SEMA6D: variants seen among roughly 807,000 people sequenced by gnomAD.
The protein encoded by SEMA6D is semaphorin-6D.
A neutral mutation model predicts 106.6 loss-of-function variants in SEMA6D; 35 were observed. That is an observed-to-expected ratio of 0.33 (90% confidence interval 0.25 to 0.44). The LOEUF is 0.44. Among genes scored for constraint, SEMA6D ranks in the 20% least tolerant of loss-of-function variants. The probability of loss-of-function intolerance (pLI) is 1.00; values close to 1 mark genes in which losing one functional copy is unlikely to be tolerated. For missense variants in SEMA6D, 1,185 were observed against 1,345.9 expected (o/e 0.88, Z 1.87); for synonymous variants, 499 against 487.7 (o/e 1.02, Z -0.31).
intron 4 of SEMA6D, among the ~76,000 whole-genome samples, chr15:47,701,179 AT>A (rs1233439085): frequency 6.6e-6 from 1 of 152,238 alleles, no homozygotes; most frequent in Non-Finnish European, 1.5e-5. Flanking sequence ...GGGAAAATAT[AT>A]TCCCAAATGA....
chr15:47,765,859 C>T lies in SEMA6D; in HGVS notation c.1428-10C>T. The T allele has an allele frequency of 1.3e-6, 2 of 1,487,604 alleles. No homozygotes were observed. The highest frequency in any genetic ancestry group is 1.8e-6 in the Non-Finnish European group (2 of 1,118,040). 92.2% of individuals were successfully genotyped at this position (1,487,604 alleles called of 1,614,324 possible). On this transcript the variant is annotated splice_polypyrimidine_tract_variant and intron_variant, in intron 13 of 18. Coordinates refer to ENST00000536845, the MANE Select transcript of SEMA6D (RefSeq NM_001358351.3). ...AAACATATGGCTTCAAAATGTATCC[C>T]ACAAAATAGGTGCAGTGCTGAGAAT...
intron 3 of SEMA6D, among the ~76,000 whole-genome samples, chr15:47,569,493 T>C (rs1348114433): frequency 6.6e-6 from 1 of 152,126 alleles, no homozygotes; most frequent in African/African-American, 2.4e-5. Context: ...CACAGGACAC[T>C]TTCAGCAGTG....
chr15:47,731,252 C>T (rs952389122), intron 1 of SEMA6D, among the ~76,000 whole-genome samples: 54 of 152,016 alleles, frequency 3.6e-4, no homozygotes, highest in African/African-American at 1.3e-3. Context: ...TCTCAGGGGT[C>T]GATGCCTTAC....
intron 3 of SEMA6D, among the ~76,000 whole-genome samples, chr15:47,590,143 A>G (rs917168674): frequency 3.3e-5 from 5 of 152,166 alleles, no homozygotes; most frequent in African/African-American, 1.2e-4. Flanking sequence ...ATGTCCATCA[A>G]TGATAGACTG....
Position 47,368,180 on chromosome 15 carries a change from C to T in SEMA6D, c.-238-44213C>T, listed in dbSNP as rs538525057. On this transcript the variant is annotated intron_variant, in intron 1 of 19. Transcript: ENST00000558014. ...ACATGAAATACCAGCAGCGCTGTGC[C>T]AGGCTCCCCAGCTTTGGCAAGCCCC... Among the ~76,000 whole-genome samples the T allele has an allele frequency of 3.3e-5, 5 of 152,348 alleles. No individual in the cohort carries two copies. The East Asian group carries it at 9.7e-4, about 29-fold the overall frequency.
intron 4 of SEMA6D, among the ~76,000 whole-genome samples, chr15:47,668,126 CTT>C (rs1414040829): frequency 6.6e-6 from 1 of 152,166 alleles, no homozygotes; most frequent in Non-Finnish European, 1.5e-5. Context: ...TGGTGTGTCT[CTT>C]TATCTCTAAG....
Position 47,765,005 on chromosome 15 carries a change from C to T in SEMA6D, c.1376C>T (p.Ser459Phe), listed in dbSNP as rs1368104947. 6.2e-7 allele frequency: 1 copy of T among 1,613,878 alleles called. No homozygotes were observed. Among genetic ancestry groups the T allele is most frequent in the African/African-American group, 1.3e-5 (1 of 75,022 alleles). Residue 459 changes from serine (S) to phenylalanine (F), a missense_variant, in exon 13 of 19, where the codon TCT becomes TTT. Transcript: ENST00000536845. The stretch of plus-strand genomic sequence containing the variant: ...GTTCTGGCAAAGACCAGTCCTTTCT[C>T]TTTGAACGACAGCGTATTACTGGAA... Reference protein sequence around the residue: ...LKVLAKTSPFSLNDSVLLEEI... With the variant: ...LKVLAKTSPFFLNDSVLLEEI...
chr15:47,633,997 C>T (rs561240872), intron 4 of SEMA6D, among the ~76,000 whole-genome samples: 29 of 152,146 alleles, frequency 1.9e-4, no homozygotes, highest in Admixed American at 1.8e-3. Context: ...AATTTCTATT[C>T]CTTTGCTGAG....
At chr15:47,467,288 G>A (rs1406012874) in intron 2 of SEMA6D, among the ~76,000 whole-genome samples, 1 of 152,108 alleles carries the variant, frequency 6.6e-6, no homozygotes, top group African/African-American at 2.4e-5. Context: ...TGTAATTTAT[G>A]TTTCATAGAC....
chr15:47,751,003 C>T (rs547889679), intron 1 of SEMA6D, among the ~76,000 whole-genome samples: 53 of 152,266 alleles, frequency 3.5e-4, no homozygotes, highest in African/African-American at 1.3e-3. Flanking sequence ...TTCAGAAGGG[C>T]CCAGAGTAGC....
Position 47,522,133 on chromosome 15 carries a change from T to C in SEMA6D, c.-87+51588T>C, listed in dbSNP as rs72733852. 4.3e-3 allele frequency among the ~76,000 whole-genome samples: 649 copies of C among 152,340 alleles called. 3 individuals are homozygous for C. Among genetic ancestry groups the C allele is most frequent in the Admixed American group, 7.1e-3 (109 of 15,306 alleles). ...AGCTCTGTGGGCATCAGATCAACTATACACATGTCCTGCGGAGCTGACACA... is the reference window on the plus strand; with the variant it reads ...AGCTCTGTGGGCATCAGATCAACTACACACATGTCCTGCGGAGCTGACACA... On this transcript the variant is annotated intron_variant, in intron 3 of 19. Coordinates refer to the SEMA6D transcript ENST00000558014.
At chr15:47,474,461 G>A (rs1340823096) in intron 3 of SEMA6D, among the ~76,000 whole-genome samples, 1 of 152,086 alleles carries the variant, frequency 6.6e-6, no homozygotes, top group Non-Finnish European at 1.5e-5. Flanking sequence ...ATTGCACAAA[G>A]GGTATGTGGC....
At chr15:47,300,144 G>C (rs80343539) in intron 1 of SEMA6D, among the ~76,000 whole-genome samples, 4,115 of 152,252 alleles carry the variant, frequency 0.027, 136 homozygotes, top group African/African-American at 0.076. Flanking sequence ...TGTCCTGCCT[G>C]GTGGGTGCCC....
intron 3 of SEMA6D, among the ~76,000 whole-genome samples, chr15:47,538,235 T>C (rs1409221335): frequency 1.3e-5 from 2 of 152,178 alleles, no homozygotes; most frequent in African/African-American, 4.8e-5. Flanking sequence ...AGTCAGTTGT[T>C]CAAATTTCCA....
chr15:47,592,390 C>T (rs1267880717), intron 3 of SEMA6D, among the ~76,000 whole-genome samples: 1 of 152,144 alleles, frequency 6.6e-6, no homozygotes, highest in African/African-American at 2.4e-5. Context: ...TTTTCAGACT[C>T]AGACTGCACA....
intron 1 of SEMA6D, among the ~76,000 whole-genome samples, chr15:47,289,729 G>GA (rs1176510867): frequency 2.6e-5 from 4 of 151,904 alleles, no homozygotes; most frequent in African/African-American, 4.8e-5. Context: ...GAGGCAGAAA[G>GA]AAAAAAATCA....
At chr15:47,593,986 T>G (rs1304935428) in intron 3 of SEMA6D, among the ~76,000 whole-genome samples, 1 of 152,162 alleles carries the variant, frequency 6.6e-6, no homozygotes, top group Non-Finnish European at 1.5e-5. Context: ...GGGATTACAA[T>G]TCCACATGAA....
At chr15:47,676,430 C>G (rs2061561419) in intron 4 of SEMA6D, among the ~76,000 whole-genome samples, 1 of 152,170 alleles carries the variant, frequency 6.6e-6, no homozygotes, top group African/African-American at 2.4e-5. Context: ...TTTAAGCAAT[C>G]TTTTGGAAAA....
At chr15:47,303,948 C>T (rs1262451499) in intron 1 of SEMA6D, among the ~76,000 whole-genome samples, 2 of 152,148 alleles carry the variant, frequency 1.3e-5, no homozygotes, top group African/African-American at 4.8e-5. Flanking sequence ...GCCTCTCACC[C>T]CTTCATCACT....
Sources: allele counts gnomAD v4.1 joint callset (sites outside exome capture counted in the v4.1 genomes callset), GRCh38; gene constraint gnomAD v4.1.1; transcripts MANE v1.5; gene names NCBI Gene and HGNC (gene_info 2026-07-23, HGNC 2026-07-21).